The following NCR1 variants were observed in gnomAD, a reference collection of about 807,000 sequenced individuals.
The protein encoded by NCR1 is natural cytotoxicity triggering receptor 1.
In NCR1, 30 loss-of-function variants were observed where a neutral mutation model predicts 32.5. The ratio of observed to expected loss-of-function variants is 0.92; its 90% confidence interval spans 0.69 to 1.25. The LOEUF (loss-of-function observed/expected upper bound fraction) is 1.25. Among genes scored for constraint, NCR1 ranks in the 50% most tolerant of loss-of-function variants. The probability of loss-of-function intolerance (pLI) is 0.00; values close to 1 mark genes in which losing one functional copy is unlikely to be tolerated. For synonymous variants in NCR1, 169 were observed against 143.4 expected, an observed-to-expected ratio of 1.18 and a Z score of -1.28; for missense variants, 369 against 380.7, an observed-to-expected ratio of 0.97 and a Z score of 0.26.
the NCR1 span, chr19:54,936,496 T>A: frequency 2.5e-5 from 34 of 1,364,156 alleles, no homozygotes; most frequent in South Asian, 4.0e-4. Context: ...GAGGCATGTA[T>A]AAACAAAAAG....
At chr19:54,925,354 G>T in the NCR1 span, among the ~76,000 whole-genome samples, 2 of 152,108 alleles carry the variant, frequency 1.3e-5, no homozygotes, top group African/African-American at 4.8e-5. Context: ...ACCCATTTAT[G>T]CCAGAGGTTA....
At chr19:54,917,472 G>A (rs920506705), downstream of NCR1, among the ~76,000 whole-genome samples, 21 of 151,932 alleles carry the variant, frequency 1.4e-4, no homozygotes, top group African/African-American at 4.6e-4. Context: ...GGCATGTGCC[G>A]CCACGCCTGG....
chr19:54,928,641 T>A, the NCR1 span, among the ~76,000 whole-genome samples: 1 of 151,980 alleles, frequency 6.6e-6, no homozygotes, highest in East Asian at 1.9e-4. Flanking sequence ...GAAAGTGATA[T>A]GAGGAAAGAA....
chr19:54,934,768 G>A, the NCR1 span: 1 of 893,106 alleles, frequency 1.1e-6, no homozygotes, highest in Non-Finnish European at 1.7e-6. The surrounding 1 kb of genome is among the most constrained non-coding windows in gnomAD (Gnocchi z 6.7). Context: ...GGAATGCAAA[G>A]GCGTGATCTC....
At chr19:54,927,336 G>A in the NCR1 span, among the ~76,000 whole-genome samples, 1 of 150,474 alleles carries the variant, frequency 6.6e-6, no homozygotes, top group South Asian at 2.1e-4. Context: ...AGCCAAGATC[G>A]CACCACTGCA....
downstream of NCR1, among the ~76,000 whole-genome samples, chr19:54,918,259 C>G (rs1182001519): frequency 1.3e-5 from 2 of 151,358 alleles, no homozygotes; most frequent in African/African-American, 4.9e-5. Context: ...GAGATAGAGT[C>G]TGAGCCCTTT....
At chr19:54,912,583 G>A (rs553450717) in intron 6 of NCR1, 107 bp from the exon 7 acceptor site, 2 of 887,898 alleles carry the variant, frequency 2.3e-6, no homozygotes, top group African/African-American at 4.1e-5. Context: ...TGGGCGACAA[G>A]ACTGAGGCTC....
chr19:54,903,266 GTA>G (rs144894651), upstream of NCR1, among the ~76,000 whole-genome samples: 22 of 133,382 alleles, frequency 1.6e-4, 1 homozygote, highest in African/African-American at 4.7e-4. Context: ...TACCTTACAT[GTA>G]TATATATATG....
chr19:54,914,740 G>A (rs575216452), downstream of NCR1, among the ~76,000 whole-genome samples: 1 of 134,464 alleles, frequency 7.4e-6, no homozygotes, highest in African/African-American at 2.7e-5. Context: ...CACAAAGATA[G>A]CACTTTTTTT....
At chr19:54,899,028 G>A in the NCR1 span, among the ~76,000 whole-genome samples, 4 of 152,128 alleles carry the variant, frequency 2.6e-5, no homozygotes, top group Admixed American at 1.3e-4. Flanking sequence ...AAGACTCAGC[G>A]ATGCTTGGGG....
chr19:54,935,736 G>A, the NCR1 span, among the ~76,000 whole-genome samples: 1 of 151,612 alleles, frequency 6.6e-6, no homozygotes, highest in South Asian at 2.1e-4. Flanking sequence ...TGCAGAGAAG[G>A]TTGCATGCTC....
chr19:54,923,371 C>T, the NCR1 span: 182,626 of 354,182 alleles, frequency 0.52, 48,257 homozygotes, highest in African/African-American at 0.61. Context: ...GACCACATGG[C>T]GCCTGAGTTA....
At chr19:54,923,505 C>A in the NCR1 span, 1 of 584,066 alleles carries the variant, frequency 1.7e-6, no homozygotes, top group Admixed American at 2.9e-5. Flanking sequence ...TCAATAAACG[C>A]AGCTGCAACG....
At position 54,906,818 on chromosome 19, in the gene NCR1, G is replaced by T; in HGVS notation, c.355+11G>T. ...ATCTGGTGGTAACAGGTAACTGTCC[G>T]GTTCTCTAACTGGAGAGTGATCTCA... On this transcript the variant is annotated intron_variant, in intron 3 of 6. Coordinates refer to ENST00000291890, the MANE Select transcript of NCR1 (RefSeq NM_004829.7). The T allele has an allele frequency of 6.2e-7, 1 of 1,613,048 alleles. No homozygotes were observed. The highest frequency in any genetic ancestry group is 8.5e-7 in the Non-Finnish European group (1 of 1,179,356).
chr19:54,905,999 A>T (rs2067582683), upstream of NCR1, among the ~76,000 whole-genome samples: 1 of 152,144 alleles, frequency 6.6e-6, no homozygotes, highest in Admixed American at 6.6e-5. Flanking sequence ...TGTCAGAGGG[A>T]CCACGGCCTT....
upstream of NCR1, among the ~76,000 whole-genome samples, chr19:54,905,051 G>A (rs1425517187): frequency 2.0e-5 from 3 of 152,192 alleles, no homozygotes; most frequent in Admixed American, 6.5e-5. Context: ...ACATACAAGT[G>A]CATGTGTCTT....
chr19:54,899,662 GC>G, the NCR1 span, among the ~76,000 whole-genome samples: 1 of 151,672 alleles, frequency 6.6e-6, no homozygotes, highest in Non-Finnish European at 1.5e-5. Flanking sequence ...GGGGGTTCTT[GC>G]CCCCCCAGAA....
chr19:54,916,303 A>G (rs2068130246), downstream of NCR1, among the ~76,000 whole-genome samples: 1 of 122,504 alleles, frequency 8.2e-6, no homozygotes, highest in South Asian at 2.7e-4. Context: ...CTCATCTTAT[A>G]ACTGAATATT....
At chr19:54,927,866 T>G in the NCR1 span, 6 of 1,140,602 alleles carry the variant, frequency 5.3e-6, no homozygotes, top group Non-Finnish European at 7.9e-6. Context: ...CCAAGGCGGG[T>G]GGATCACTTG....
Sources: allele counts gnomAD v4.1 joint callset (sites outside exome capture counted in the v4.1 genomes callset), GRCh38; gene constraint gnomAD v4.1.1; non-coding constraint Gnocchi (gnomAD v3.1); transcripts MANE v1.5; gene names NCBI Gene and HGNC (gene_info 2026-07-23, HGNC 2026-07-21).